The following SLC25A31 variants were observed in gnomAD, a reference collection of about 807,000 sequenced individuals.
SLC25A31 encodes the protein solute carrier family 25 member 31, also known as ADP/ATP translocase 4.
A neutral mutation model predicts 36.2 loss-of-function variants in SLC25A31; 40 were observed. That is an observed-to-expected ratio of 1.10 (90% confidence interval 0.86 to 1.44). The LOEUF (loss-of-function observed/expected upper bound fraction) is 1.44. Ranked by LOEUF, SLC25A31 falls within the 40% of genes most tolerant of loss-of-function variation. SLC25A31 has a pLI of 0.00. For synonymous variants in SLC25A31, 143 were observed against 149.7 expected (o/e 0.96, Z 0.32); for missense variants, 350 against 397.1 (o/e 0.88, Z 1.01).
intron 1 of SLC25A31, among the ~76,000 whole-genome samples, chr4:127,740,306 G>C (rs977443542): frequency 1.3e-5 from 2 of 152,078 alleles, no homozygotes; most frequent in Admixed American, 6.5e-5. Flanking sequence ...TGTAACTGTA[G>C]ACAGTGTTGG....
intron 2 of SLC25A31, among the ~76,000 whole-genome samples, chr4:127,755,986 T>C (rs965526718): frequency 2.0e-5 from 3 of 150,208 alleles, no homozygotes; most frequent in Admixed American, 6.6e-5. Context: ...TGAGCCGAGA[T>C]CGCGCCATTG....
chr4:127,744,910 A>G lies in SLC25A31; in HGVS notation c.360+111A>G, dbSNP rs1731797702. 3.5e-6 allele frequency: 3 copies of G among 860,238 alleles called. No individual in the cohort carries two copies. The Admixed American group carries it at 1.0e-4, about 30-fold the overall frequency. The allele number at this position is 860,238 out of a possible 1,614,324, so 53.3% of individuals were successfully genotyped here. On this transcript the variant is annotated intron_variant, in intron 2 of 5. Coordinates refer to ENST00000281154, the MANE Select transcript of SLC25A31 (RefSeq NM_031291.4). ...CACTATCTCTAAAATTTTCTTTAAA[A>G]TGGTTAGATTTGTCTTAACTGTGAT...
chr4:127,767,623 CA>C lies in SLC25A31; in HGVS notation c.633+407del, dbSNP rs1174774709. Among the ~76,000 whole-genome samples the C allele has an allele frequency of 2.0e-5, 3 of 152,070 alleles. No individual in the cohort carries two copies. In the East Asian group the frequency reaches 5.8e-4, roughly 29 times the overall value. On this transcript the variant is annotated intron_variant, in intron 4 of 5. Transcript: ENST00000281154. The stretch of plus-strand genomic sequence containing the variant: ...ATGTCATTTTGAGAAGGAGACAAAG[CA>C]AAATTAATTAAATAAATGCTACTGT...
intron 5 of SLC25A31, among the ~76,000 whole-genome samples, chr4:127,771,761 G>A (rs776188783): frequency 2.0e-5 from 3 of 152,136 alleles, no homozygotes; most frequent in Non-Finnish European, 4.4e-5. Flanking sequence ...CATTTATCAT[G>A]TAATGACAGT....
At chr4:127,742,220 T>G (rs1731745244) in intron 1 of SLC25A31, among the ~76,000 whole-genome samples, 1 of 152,208 alleles carries the variant, frequency 6.6e-6, no homozygotes, top group African/African-American at 2.4e-5. Context: ...TTCTCATCAA[T>G]AAACCAAGAA....
chr4:127,734,927 C>G (rs1255201564), intron 1 of SLC25A31, among the ~76,000 whole-genome samples: 1 of 152,060 alleles, frequency 6.6e-6, no homozygotes, highest in Non-Finnish European at 1.5e-5. Context: ...GGGAGTTACA[C>G]AAGGTAGAGG....
At position 127,773,661 on chromosome 4, in the gene SLC25A31, T is replaced by G; in HGVS notation, c.*87T>G. On this transcript the variant is annotated 3_prime_UTR_variant, in exon 6 of 6. Coordinates refer to ENST00000281154, the MANE Select transcript of SLC25A31 (RefSeq NM_031291.4). Reference sequence around the variant, plus strand: ...GCCATTTGCATACATTTTGATAGTGTTATTGTCTGTATTTTGTTAAAGTGC... The same window carrying G: ...GCCATTTGCATACATTTTGATAGTGGTATTGTCTGTATTTTGTTAAAGTGC... 2 of 1,089,904 alleles carry G rather than the reference T, an allele frequency of 1.8e-6. No individual in the cohort carries two copies. The highest frequency in any genetic ancestry group is 2.5e-6 in the Non-Finnish European group (2 of 790,256). The allele number at this position is 1,089,904 out of a possible 1,614,324, so 67.5% of individuals were successfully genotyped here.
chr4:127,752,340 G>A (rs1731950056), intron 2 of SLC25A31, among the ~76,000 whole-genome samples: 5 of 151,342 alleles, frequency 3.3e-5, no homozygotes, highest in Admixed American at 2.6e-4. Context: ...AACACCGCAT[G>A]TTCTCACTCA....
intron 2 of SLC25A31, among the ~76,000 whole-genome samples, chr4:127,752,100 C>T (rs1354165011): frequency 6.6e-6 from 1 of 152,144 alleles, no homozygotes; most frequent in Admixed American, 6.5e-5. Flanking sequence ...AATCATGCTG[C>T]TATAAAGACA....
chr4:127,753,540 A>G (rs1731975367), intron 2 of SLC25A31, among the ~76,000 whole-genome samples: 2 of 152,152 alleles, frequency 1.3e-5, no homozygotes, highest in Admixed American at 6.5e-5. Context: ...TATGCCATAT[A>G]AGTTATGAAA....
At chr4:127,769,326 A>AT (rs1383307673) in intron 5 of SLC25A31, among the ~76,000 whole-genome samples, 1 of 152,178 alleles carries the variant, frequency 6.6e-6, no homozygotes, top group Admixed American at 6.5e-5. Context: ...CCTAAACCAA[A>AT]TTTTTGATAC....
At chr4:127,740,423 A>C (rs1043845237) in intron 1 of SLC25A31, among the ~76,000 whole-genome samples, 6 of 152,140 alleles carry the variant, frequency 3.9e-5, no homozygotes, top group Admixed American at 3.9e-4. Context: ...GTATGTCAGC[A>C]GGTTTTATAT....
chr4:127,763,193 G>A (rs1230677711), intron 2 of SLC25A31, among the ~76,000 whole-genome samples: 1 of 152,162 alleles, frequency 6.6e-6, no homozygotes, highest in Non-Finnish European at 1.5e-5. Flanking sequence ...TATGGGAAGA[G>A]GGTATGATCA....
chr4:127,764,116 A>G (rs1732193428), intron 2 of SLC25A31, 127 bp from the exon 3 acceptor site: 4 of 722,918 alleles, frequency 5.5e-6, no homozygotes, highest in Non-Finnish European at 9.1e-6. Context: ...ATTATTATAG[A>G]TGTTTACTTT....
intron 5 of SLC25A31, among the ~76,000 whole-genome samples, chr4:127,772,614 T>C (rs1400492762): frequency 2.0e-5 from 3 of 152,128 alleles, no homozygotes; most frequent in African/African-American, 7.2e-5. Context: ...AGGTTGCTCA[T>C]TAACTTTTAG....
chr4:127,740,038 C>A (rs1185319645), intron 1 of SLC25A31, among the ~76,000 whole-genome samples: 1 of 151,990 alleles, frequency 6.6e-6, no homozygotes, highest in Non-Finnish European at 1.5e-5. Context: ...CCTTGCAATT[C>A]ATGCTTTGAA....
intron 2 of SLC25A31, among the ~76,000 whole-genome samples, chr4:127,760,846 T>C (rs973007440): frequency 1.8e-4 from 27 of 152,204 alleles, no homozygotes; most frequent in Middle Eastern, 3.4e-3. Context: ...AAGACCATCC[T>C]GGCTAACATG....
chr4:127,759,375 T>A (rs1732087005), intron 2 of SLC25A31, among the ~76,000 whole-genome samples: 1 of 152,050 alleles, frequency 6.6e-6, no homozygotes, highest in Non-Finnish European at 1.5e-5. Context: ...ATATTTAGGG[T>A]TTGGGAGGCA....
chr4:127,760,212 T>C (rs1363609866), intron 2 of SLC25A31, among the ~76,000 whole-genome samples: 4 of 152,224 alleles, frequency 2.6e-5, no homozygotes, highest in Non-Finnish European at 5.9e-5. Flanking sequence ...ATTTATAGTC[T>C]CTCTGTATAT....
Sources: gnomAD v4.1 joint callset for allele counts (sites outside exome capture counted in the v4.1 genomes callset) on GRCh38, gnomAD v4.1.1 for gene constraint, MANE v1.5 for transcripts, NCBI Gene and HGNC (gene_info 2026-07-23, HGNC 2026-07-21) for gene names.